KCNMA1: variants seen among roughly 807,000 people sequenced by gnomAD.
KCNMA1 encodes potassium calcium-activated channel subfamily M alpha 1.
KCNMA1 carries 29 observed loss-of-function variants against 140.0 expected under a neutral mutation model. The observed-to-expected ratio is 0.21, with a 90% CI of 0.15 to 0.28. The LOEUF is 0.28. Ranked by LOEUF, KCNMA1 falls within the 10% of genes least tolerant of loss-of-function variation. The pLI, the probability that KCNMA1 is intolerant of heterozygous loss-of-function variation, is 1.00. For synonymous variants in KCNMA1, 612 were observed against 611.9 expected (o/e 1.00, Z 0.00); for missense variants, 880 against 1,602.2 (o/e 0.55, Z 7.70).
intron 3 of KCNMA1, among the ~76,000 whole-genome samples, chr10:77,203,944 A>T (rs2043223706): frequency 1.3e-5 from 2 of 151,914 alleles, no homozygotes; most frequent in African/African-American, 4.8e-5. Context: ...TAGAATACAA[A>T]AATTAGCTGG....
chr10:77,214,525 G>A (rs961712458), intron 3 of KCNMA1, among the ~76,000 whole-genome samples: 5 of 152,170 alleles, frequency 3.3e-5, no homozygotes, highest in African/African-American at 4.8e-5. Flanking sequence ...TGCTGCTGGA[G>A]CTCTGCTGCC....
At chr10:77,264,827 T>C (rs2062976677) in intron 2 of KCNMA1, among the ~76,000 whole-genome samples, 1 of 152,158 alleles carries the variant, frequency 6.6e-6, no homozygotes, top group African/African-American at 2.4e-5. Context: ...AGAAGATCTT[T>C]ATGTGCTAGA....
intron 5 of KCNMA1, among the ~76,000 whole-genome samples, chr10:77,123,156 G>T: frequency 8.1e-6 from 1 of 123,260 alleles, no homozygotes. Context: ...CTCCAGCCTG[G>T]GCGACAGAGC....
chr10:77,449,601 C>T (rs1255049739), intron 1 of KCNMA1, among the ~76,000 whole-genome samples: 2 of 149,210 alleles, frequency 1.3e-5, no homozygotes, highest in African/African-American at 4.9e-5. Context: ...ATATGTGTTA[C>T]TTTTATTTCA....
chr10:77,449,637 A>G (rs12261760), intron 1 of KCNMA1, among the ~76,000 whole-genome samples: 1 of 136,302 alleles, frequency 7.3e-6, no homozygotes, highest in Non-Finnish European at 1.5e-5. Flanking sequence ...TTTTTTTTTA[A>G]TTTTTAATTT....
intron 18 of KCNMA1, chr10:77,008,197 C>A (rs2089677732): frequency 1.3e-6 from 2 of 1,534,696 alleles, no homozygotes; most frequent in Non-Finnish European, 1.7e-6. Flanking sequence ...TATATCACTA[C>A]CAGTGTGCAG....
intron 9 of KCNMA1, among the ~76,000 whole-genome samples, chr10:77,102,822 C>A (rs2097128894): frequency 6.6e-6 from 1 of 152,200 alleles, no homozygotes; most frequent in Non-Finnish European, 1.5e-5. Context: ...TTGCAGCACA[C>A]ATTAAAAATG....
At chr10:77,133,353 A>C (rs2097905545) in intron 5 of KCNMA1, among the ~76,000 whole-genome samples, 1 of 152,064 alleles carries the variant, frequency 6.6e-6, no homozygotes, top group African/African-American at 2.4e-5. Flanking sequence ...ATATGAAAAC[A>C]ACAACAATAA....
intron 18 of KCNMA1, among the ~76,000 whole-genome samples, chr10:77,004,059 CT>C (rs1164732261): frequency 3.3e-5 from 5 of 152,218 alleles, no homozygotes; most frequent in African/African-American, 1.2e-4. Flanking sequence ...AAACCATGTG[CT>C]ATAAGAAGAT....
chr10:77,039,062 A>G (rs958412443), intron 15 of KCNMA1: 1 of 199,226 alleles, frequency 5.0e-6, no homozygotes, highest in Non-Finnish European at 1.0e-5. Flanking sequence ...ACATTTCCTC[A>G]GCAAAGGGTG....
intron 2 of KCNMA1, among the ~76,000 whole-genome samples, chr10:77,268,056 C>A (rs777928573): frequency 2.0e-5 from 3 of 152,166 alleles, no homozygotes; most frequent in Non-Finnish European, 2.9e-5. Flanking sequence ...CACCTCCTTT[C>A]CACTCTCACA....
intron 2 of KCNMA1, among the ~76,000 whole-genome samples, chr10:77,390,949 A>G (rs988164578): frequency 6.6e-6 from 1 of 152,244 alleles, no homozygotes; most frequent in Non-Finnish European, 1.5e-5. Flanking sequence ...CTCCTTTTCA[A>G]TGAACTGTCC....
rs2069611287 is a variant in KCNMA1, at chr10:77,568,939, C to T, written c.378+68326G>A. On this transcript the variant is annotated intron_variant, in intron 1 of 27. Transcript: ENST00000286628. ...AATCACAAGCATTCTCATACACCAA[C>T]AACAGACAAACAGAGAGCCAAATCA... Among the ~76,000 whole-genome samples, 3 of 148,830 alleles carry T rather than the reference C, an allele frequency of 2.0e-5. No homozygotes were observed. The South Asian group carries it at 6.5e-4, about 32-fold the overall frequency.
In KCNMA1 at chr10:77,261,592, T is replaced by G. The variant is rs116618574; in HGVS notation, c.541-10336A>C. On this transcript the variant is annotated intron_variant, in intron 2 of 27. Coordinates refer to ENST00000286628, the MANE Select transcript of KCNMA1 (RefSeq NM_001161352.2). Reference sequence around the variant, plus strand: ...AGGGCTTAATTTATTATAACTGAAATGAGGGAAAGCAGTTGTAACAGGAAG... The same window carrying G: ...AGGGCTTAATTTATTATAACTGAAAGGAGGGAAAGCAGTTGTAACAGGAAG... 6.5e-3 allele frequency among the ~76,000 whole-genome samples: 991 copies of G among 152,256 alleles called. 10 individuals carry two copies. Among genetic ancestry groups the G allele is most frequent in the African/African-American group, 0.022 (928 of 41,546 alleles).
At chr10:77,359,030 C>A (rs1375849847) in intron 2 of KCNMA1, among the ~76,000 whole-genome samples, 1 of 152,168 alleles carries the variant, frequency 6.6e-6, no homozygotes, top group South Asian at 2.1e-4. Context: ...ACCATTTCCT[C>A]AAGTTCTTGC....
At chr10:77,350,697 A>C (rs957217820) in intron 2 of KCNMA1, 3 of 152,220 alleles carry the variant, frequency 2.0e-5, no homozygotes, top group African/African-American at 7.2e-5. Flanking sequence ...CTTCCCCTGC[A>C]TGCATATCAT....
intron 1 of KCNMA1, among the ~76,000 whole-genome samples, chr10:77,406,084 G>A (rs2096462883): frequency 6.6e-6 from 1 of 152,192 alleles, no homozygotes; most frequent in African/African-American, 2.4e-5. Flanking sequence ...GGAGGCCACT[G>A]GGCAGATGTA....
Position 77,186,890 on chromosome 10 carries a change from G to A in KCNMA1, c.603-1974C>T, listed in dbSNP as rs1389027344. On this transcript the variant is annotated intron_variant, in intron 3 of 27. Coordinates refer to ENST00000286628, the MANE Select transcript of KCNMA1 (RefSeq NM_001161352.2). The stretch of plus-strand genomic sequence containing the variant: ...TACTCAGGTGCTCACTTGTGCCAGC[G>A]GGGACTCACATAGCTGTGCATTATA... Among the ~76,000 whole-genome samples, 10 of 151,846 alleles carry A rather than the reference G, an allele frequency of 6.6e-5. 1 individual carries two copies. The highest frequency in any genetic ancestry group is 8.8e-5 in the Non-Finnish European group (6 of 67,976).
chr10:77,494,158 T>C (rs1426286543), intron 1 of KCNMA1, among the ~76,000 whole-genome samples: 2 of 152,144 alleles, frequency 1.3e-5, no homozygotes, highest in African/African-American at 2.4e-5. Flanking sequence ...GGGATAACCA[T>C]GGGAGAGGAC....
Sources: gnomAD v4.1 joint callset for allele counts (sites outside exome capture counted in the v4.1 genomes callset) on GRCh38, gnomAD v4.1.1 for gene constraint, MANE v1.5 for transcripts, NCBI Gene and HGNC (gene_info 2026-07-23, HGNC 2026-07-21) for gene names.